CKMT2: variants seen among roughly 807,000 people sequenced by gnomAD.
CKMT2 encodes the protein creatine kinase S-type, mitochondrial.
CKMT2 carries 43 observed loss-of-function variants against 48.9 expected under a neutral mutation model. The ratio of observed to expected loss-of-function variants is 0.88; its 90% CI spans 0.69 to 1.13. CKMT2 has a LOEUF of 1.13. Among genes scored for constraint, CKMT2 ranks in the 50% most tolerant of loss-of-function variants. CKMT2 has a pLI of 0.00. For synonymous variants in CKMT2, 206 were observed against 213.0 expected, an observed-to-expected ratio of 0.97 and a Z score of 0.29; for missense variants, 472 against 555.4, an observed-to-expected ratio of 0.85 and a Z score of 1.51.
chr5:81,236,183 G>A (rs1417865436), intron 1 of CKMT2: 1 of 152,238 alleles, frequency 6.6e-6, no homozygotes, highest in Non-Finnish European at 1.5e-5. Flanking sequence ...TATGCCCTGA[G>A]GTGACAATCC....
chr5:81,254,320 G>A, intron 3 of CKMT2, 76 bp from the exon 4 acceptor site: 1 of 1,271,026 alleles, frequency 7.9e-7, no homozygotes, highest in Non-Finnish European at 1.1e-6. Flanking sequence ...TAAGATACAA[G>A]GGGCAAGTGA....
chr5:81,257,839 T>G lies in CKMT2; in HGVS notation c.862T>G (p.Cys288Gly). 1.9e-6 allele frequency: 3 copies of G among 1,613,380 alleles called. No homozygotes were observed. Among genetic ancestry groups the G allele is most frequent in the Non-Finnish European group, 2.5e-6 (3 of 1,179,578 alleles). Residue 288 changes from cysteine (C) to glycine (G), a missense_variant, in exon 7 of 10, where the codon TGT (cysteine) becomes GGT (glycine). Transcript: ENST00000254035. Reference sequence around the variant, plus strand: ...TATGAAACGAGTATTTGAGCGATTCTGTCGTGGACTAAAAGAAGTAAGATG... The same window carrying G: ...TATGAAACGAGTATTTGAGCGATTCGGTCGTGGACTAAAAGAAGTAAGATG... ...GNMKRVFERFCRGLKEVERLI... is the reference protein window; with the variant it reads ...GNMKRVFERFGRGLKEVERLI...
chr5:81,266,300 C>T lies in CKMT2; in HGVS notation c.*42C>T, dbSNP rs747002283. The T allele has an allele frequency of 1.2e-5, 19 of 1,599,378 alleles. No individual in the cohort carries two copies. The highest frequency in any genetic ancestry group is 1.5e-5 in the Non-Finnish European group (18 of 1,168,844). ...TTTATAAATAATCTGTCTGCTGGTACGACAGACATAAATCTCTACTCTGAG... is the reference window on the plus strand; with the variant it reads ...TTTATAAATAATCTGTCTGCTGGTATGACAGACATAAATCTCTACTCTGAG... On this transcript the variant is annotated 3_prime_UTR_variant, in exon 10 of 10. Transcript: ENST00000254035.
At chr5:81,248,628 C>T (rs776524350) in intron 1 of CKMT2, among the ~76,000 whole-genome samples, 1 of 152,176 alleles carries the variant, frequency 6.6e-6, no homozygotes, top group East Asian at 1.9e-4. Flanking sequence ...GTCCCCAGGA[C>T]AACTTCAAGA....
intron 8 of CKMT2, among the ~76,000 whole-genome samples, chr5:81,262,493 AAAC>A (rs1189277645): frequency 6.6e-6 from 1 of 152,188 alleles, no homozygotes; most frequent in Admixed American, 6.5e-5. Context: ...TACAAGAAAA[AAAC>A]AACCCCATCA....
intron 1 of CKMT2, among the ~76,000 whole-genome samples, chr5:81,247,453 ACAGCT>A (rs1481353535): frequency 6.6e-6 from 1 of 152,228 alleles, no homozygotes; most frequent in African/African-American, 2.4e-5. Context: ...AGTAGGGGTT[ACAGCT>A]GCAGAGAATG....
At chr5:81,252,627 A>ACAAG in intron 2 of CKMT2, 68 bp from the exon 3 acceptor site, 1 of 1,528,258 alleles carries the variant, frequency 6.5e-7, no homozygotes, top group Non-Finnish European at 9.0e-7. Flanking sequence ...TGGGCAAACA[A>ACAAG]CAAGTCCTTC....
intron 1 of CKMT2, 129 bp from the exon 2 acceptor site, chr5:81,250,983 AG>A: frequency 2.1e-6 from 1 of 479,538 alleles, no homozygotes; most frequent in Non-Finnish European, 3.7e-6. Flanking sequence ...ACACACAGAA[AG>A]AGAGAGAGAG....
chr5:81,264,500 G>A (rs553989105), intron 9 of CKMT2, among the ~76,000 whole-genome samples: 9 of 152,270 alleles, frequency 5.9e-5, no homozygotes, highest in Admixed American at 2.6e-4. Flanking sequence ...GAAAAGGAAA[G>A]GAAGAAACCC....
chr5:81,256,834 T>C, intron 5 of CKMT2, 81 bp from the exon 6 acceptor site: 1 of 965,526 alleles, frequency 1.0e-6, no homozygotes, highest in Non-Finnish European at 1.6e-6. Flanking sequence ...ATAAGTGGGT[T>C]GGAACTTGTT....
At chr5:81,263,740 A>G in intron 9 of CKMT2, 124 bp downstream of exon 9, 2 of 730,142 alleles carry the variant, frequency 2.7e-6, no homozygotes, top group South Asian at 4.8e-5. Context: ...TTGAGTCCTG[A>G]GTTATGTTAG....
chr5:81,243,681 GA>G (rs1756510894), intron 1 of CKMT2, among the ~76,000 whole-genome samples: 1 of 151,890 alleles, frequency 6.6e-6, no homozygotes, highest in Non-Finnish European at 1.5e-5. Context: ...GAGCTTTCAT[GA>G]AATTCCTAAT....
chr5:81,263,294 G>C (rs1275645029), intron 8 of CKMT2, among the ~76,000 whole-genome samples, 197 bp from the exon 9 acceptor site: 4 of 150,936 alleles, frequency 2.7e-5, no homozygotes, highest in African/African-American at 9.7e-5. Context: ...TGCACGTTCT[G>C]CACATGTATC....
At chr5:81,264,837 CTTCA>C (rs1757337916) in intron 9 of CKMT2, among the ~76,000 whole-genome samples, 1 of 152,004 alleles carries the variant, frequency 6.6e-6, no homozygotes, top group Non-Finnish European at 1.5e-5. Flanking sequence ...CTAAATGGCC[CTTCA>C]TTCTTTTTAA....
At chr5:81,259,502 T>C (rs1057303715) in intron 8 of CKMT2, 2 of 335,136 alleles carry the variant, frequency 6.0e-6, no homozygotes, top group African/African-American at 2.1e-5. Flanking sequence ...ATGTAACAAA[T>C]CAGGATAGGT....
chr5:81,256,404 A>T (rs1385385534), intron 5 of CKMT2, among the ~76,000 whole-genome samples: 1 of 152,242 alleles, frequency 6.6e-6, no homozygotes, highest in African/African-American at 2.4e-5. Flanking sequence ...AAAGCCTGTA[A>T]TCTAGAGCCT....
chr5:81,264,385 G>A (rs925547668), intron 9 of CKMT2, among the ~76,000 whole-genome samples: 2 of 152,120 alleles, frequency 1.3e-5, no homozygotes, highest in African/African-American at 4.8e-5. Flanking sequence ...TAATAATTCA[G>A]TGACTGGTTA....
At position 81,266,268 on chromosome 5, in the gene CKMT2, T is replaced by A. The variant is rs116446567; in HGVS notation, c.*10T>A. On this transcript the variant is annotated 3_prime_UTR_variant, in exon 10 of 10. Transcript: ENST00000254035. ...GTTTGGCAAAAAGTAAACTTTCCCT[T>A]TCCCAATTTATAAATAATCTGTCTG... 385 of 1,612,106 alleles carry A rather than the reference T, an allele frequency of 2.4e-4. 3 individuals are homozygous for A. In the African/African-American group the frequency reaches 4.9e-3, roughly 20 times the overall value.
chr5:81,234,234 T>C (rs1291649305), intron 1 of CKMT2, among the ~76,000 whole-genome samples: 2 of 152,098 alleles, frequency 1.3e-5, no homozygotes, highest in African/African-American at 2.4e-5. Flanking sequence ...CCTTTAGGTC[T>C]CCTCAGTGCT....
Sources: gnomAD v4.1 joint callset for allele counts (sites outside exome capture counted in the v4.1 genomes callset) on GRCh38, gnomAD v4.1.1 for gene constraint, MANE v1.5 for transcripts, NCBI Gene and HGNC (gene_info 2026-07-23, HGNC 2026-07-21) for gene names.